Variants in NCAN observed in about 807,000 individuals in gnomAD.
NCAN encodes neurocan.
In NCAN, 47 loss-of-function variants were observed where a neutral mutation model predicts 121.8. The ratio of observed to expected loss-of-function variants is 0.39; its 90% confidence interval spans 0.31 to 0.49. The LOEUF (loss-of-function observed/expected upper bound fraction) is 0.49, where lower values mean the gene tolerates loss of function less well. Ranked by LOEUF, NCAN falls within the 20% of genes least tolerant of loss-of-function variation. The pLI is 0.92. For synonymous variants in NCAN, 633 were observed against 702.0 expected (o/e 0.90, Z 1.55); for missense variants, 1,517 against 1,773.4 (o/e 0.86, Z 2.60).
chr19:19,231,568 T>G (rs1314847922), intron 8 of NCAN, among the ~76,000 whole-genome samples: 1 of 152,014 alleles, frequency 6.6e-6, no homozygotes, highest in Non-Finnish European at 1.5e-5. Context: ...ACTCAAGTGA[T>G]CTGCCCGCCT....
In NCAN at chr19:19,249,231, C is replaced by T. The variant is rs945335982; in HGVS notation, c.3820+349C>T. On this transcript the variant is annotated intron_variant, in intron 14 of 14. Coordinates refer to ENST00000252575, the MANE Select transcript of NCAN (RefSeq NM_004386.3). ...GATCACAGGTGTCCACTGCCATGCC[C>T]GGCTAATTTTTGTATTTTTAGTAGA... Among the ~76,000 whole-genome samples, 10 of 152,056 alleles carry T rather than the reference C, an allele frequency of 6.6e-5. No homozygotes were observed. The South Asian group carries it at 1.2e-3, about 19-fold the overall frequency.
Position 19,227,121 on chromosome 19 carries a change from A to T in NCAN, c.1660+48A>T. 3 of 1,494,008 alleles carry T rather than the reference A, an allele frequency of 2.0e-6. No individual in the cohort carries two copies. The highest frequency in any genetic ancestry group is 2.7e-6 in the Non-Finnish European group (3 of 1,123,292). 92.5% of individuals were successfully genotyped at this position (1,494,008 alleles called of 1,614,324 possible). On this transcript the variant is annotated intron_variant, in intron 7 of 14. Coordinates refer to ENST00000252575, the MANE Select transcript of NCAN (RefSeq NM_004386.3). This position sits in a 1 kb window ranked among gnomAD's most constrained non-coding sequence, Gnocchi z 4.2. ...GGACCTACCTGGGGATCTGGAGGTG[A>T]GGGTAGAGAGGTAGCCATGGCTACA...
chr19:19,226,497 A>C lies in NCAN; in HGVS notation c.1084A>C (p.Thr362Pro). The C allele has an allele frequency of 1.3e-6, 2 of 1,586,560 alleles. No homozygotes were observed. The highest frequency in any genetic ancestry group is 1.7e-6 in the Non-Finnish European group (2 of 1,162,358). Residue 362 changes from threonine to proline, a missense_variant, in exon 7 of 15, where the codon ACG becomes CCG. Coordinates refer to ENST00000252575, the MANE Select transcript of NCAN (RefSeq NM_004386.3). The stretch of plus-strand genomic sequence containing the variant: ...GCTTTCTCCCACAGCTCATCACCCC[A>C]CGTCACAACATGGAGACCTAGAGAC... ...DAYCFRAHHP[T>P]SQHGDLETPS...
intron 13 of NCAN, among the ~76,000 whole-genome samples, chr19:19,246,949 AT>A (rs2060926548): frequency 6.6e-6 from 1 of 152,042 alleles, no homozygotes; most frequent in Non-Finnish European, 1.5e-5. Flanking sequence ...GATCTTACTG[AT>A]TTTTAAGAGA....
chr19:19,241,530 C>T (rs1024486991), intron 12 of NCAN, among the ~76,000 whole-genome samples: 7 of 151,978 alleles, frequency 4.6e-5, no homozygotes, highest in South Asian at 2.1e-4. Context: ...AAAAATCTGG[C>T]GGTTCCTCAC....
chr19:19,239,071 C>T (rs2060892114), intron 11 of NCAN, among the ~76,000 whole-genome samples: 1 of 152,150 alleles, frequency 6.6e-6, no homozygotes, highest in Admixed American at 6.5e-5. Context: ...CCTCTCCCTC[C>T]TGAGCGACTG....
chr19:19,228,202 C>T lies in NCAN; in HGVS notation c.2582C>T (p.Pro861Leu). ...FEEAESTTLS[P>L]QVALDTSIVT... ...GAAGCCGAAAGCACCACCTTGAGCC[C>T]TCAGGTGGCCCTGGATACAAGCATT... Residue 861 changes from proline to leucine, a missense_variant, in exon 8 of 15, where the codon CCT becomes CTT. Pro to Leu is a moderately conservative substitution (Grantham distance 98). Coordinates refer to ENST00000252575, the MANE Select transcript of NCAN (RefSeq NM_004386.3). 5 of 1,613,946 alleles carry T rather than the reference C, an allele frequency of 3.1e-6. No individual in the cohort carries two copies. The highest frequency in any genetic ancestry group is 1.1e-5 in the South Asian group (1 of 91,080).
At position 19,247,237 on chromosome 19, in the gene NCAN, A is replaced by G. The variant is rs542641344; in HGVS notation, c.3638-1463A>G. 9.9e-5 allele frequency among the ~76,000 whole-genome samples: 15 copies of G among 151,560 alleles called. 1 individual carries two copies. The East Asian group carries it at 2.7e-3, about 28-fold the overall frequency. ...AGTAGCTGGACTACGGGTGCACACC[A>G]CCATGCCTGGCTTATTTATTTATTT... On this transcript the variant is annotated intron_variant, in intron 13 of 14. Transcript: ENST00000252575.
intron 11 of NCAN, among the ~76,000 whole-genome samples, chr19:19,240,103 T>A (rs2060898056): frequency 9.0e-6 from 1 of 110,780 alleles, no homozygotes; most frequent in East Asian, 3.3e-4. Flanking sequence ...CTTCCATTCC[T>A]CCTCCCTCCT....
At position 19,227,948 on chromosome 19, in the gene NCAN, T is replaced by G. The variant is rs768863013; in HGVS notation, c.2328T>G (p.Asp776Glu). ...SPTSGLQATVDEVQDPWPSVY... is the reference protein window; with the variant it reads ...SPTSGLQATVEEVQDPWPSVY... ...CTTCTGGCTTGCAGGCCACTGTAGA[T>G]GAGGTGCAGGACCCCTGGCCCTCAG... The change falls in exon 8 of 15, where the codon GAT becomes GAG. Residue 776 changes from aspartate to glutamate, a missense_variant. Asp to Glu is a conservative substitution (Grantham distance 45, BLOSUM62 2). Coordinates refer to ENST00000252575, the MANE Select transcript of NCAN (RefSeq NM_004386.3). The surrounding 1 kb of genome is among the most constrained non-coding windows in gnomAD (Gnocchi z 4.2). 1 of 1,613,452 alleles carries G rather than the reference T, an allele frequency of 6.2e-7. No individual in the cohort carries two copies. The highest frequency in any genetic ancestry group is 8.5e-7 in the Non-Finnish European group (1 of 1,179,984).
intron 3 of NCAN, among the ~76,000 whole-genome samples, chr19:19,220,732 C>T (rs916557166): frequency 6.6e-6 from 1 of 151,644 alleles, no homozygotes. Flanking sequence ...GCTAGGATTA[C>T]CAGGCATGAG....
Position 19,249,987 on chromosome 19 carries a change from A to G in NCAN, c.*76A>G. ...CTTCGCCTGGGGAGACAGAACCCAG[A>G]GAGAAACAAGAGAGTCCAGAAGTCC... On this transcript the variant is annotated 3_prime_UTR_variant, in exon 15 of 15. Transcript: ENST00000252575. 3 of 1,456,388 alleles carry G rather than the reference A, an allele frequency of 2.1e-6. No individual in the cohort carries two copies. Among genetic ancestry groups the G allele is most frequent in the Non-Finnish European group, 2.8e-6 (3 of 1,059,738 alleles). The allele number at this position is 1,456,388 out of a possible 1,614,324, so 90.2% of individuals were successfully genotyped here.
intron 13 of NCAN, among the ~76,000 whole-genome samples, chr19:19,247,347 G>A (rs1365314114): frequency 2.6e-5 from 4 of 152,128 alleles, no homozygotes; most frequent in South Asian, 2.1e-4. Context: ...TCCGCCTCCC[G>A]GGTTCACGCC....
intron 3 of NCAN, among the ~76,000 whole-genome samples, chr19:19,222,792 G>A (rs2060821500): frequency 6.6e-6 from 1 of 151,000 alleles, no homozygotes; most frequent in Admixed American, 6.6e-5. Flanking sequence ...AGCCTTCCAG[G>A]ACCACATTTC....
chr19:19,245,236 G>C (rs1599824871), intron 12 of NCAN, 77 bp from the exon 13 acceptor site: 13 of 1,558,278 alleles, frequency 8.3e-6, no homozygotes, highest in Non-Finnish European at 1.0e-5. Context: ...GGCCAGGGGA[G>C]TCCCACAGCA....
intron 9 of NCAN, 44 bp from the exon 10 acceptor site, chr19:19,234,939 A>G: frequency 1.5e-6 from 2 of 1,361,840 alleles, no homozygotes; most frequent in East Asian, 2.3e-5. Flanking sequence ...CTCAGAGCCA[A>G]GGGGAAGCTG....
chr19:19,224,505 T>C, intron 5 of NCAN, 72 bp downstream of exon 5: 1 of 1,543,998 alleles, frequency 6.5e-7, no homozygotes, highest in Non-Finnish European at 8.8e-7. Flanking sequence ...CCAACTCCCA[T>C]CCTCCGGGGT....
intron 13 of NCAN, among the ~76,000 whole-genome samples, chr19:19,247,581 G>A (rs1373628761): frequency 6.6e-6 from 1 of 152,048 alleles, no homozygotes; most frequent in African/African-American, 2.4e-5. Context: ...TGTAGAGACA[G>A]GGTCTTGCTG....
intron 3 of NCAN, among the ~76,000 whole-genome samples, chr19:19,220,928 C>CAAACAAA (rs924884290): frequency 1.3e-5 from 2 of 151,692 alleles, no homozygotes; most frequent in South Asian, 2.1e-4. Context: ...AACAAACAAA[C>CAAACAAA]AAACAAAAAA....
Sources: gnomAD v4.1 joint callset for allele counts (sites outside exome capture counted in the v4.1 genomes callset) on GRCh38, gnomAD v4.1.1 for gene constraint, Gnocchi (gnomAD v3.1) non-coding constraint, MANE v1.5 for transcripts, NCBI Gene and HGNC (gene_info 2026-07-23, HGNC 2026-07-21) for gene names.